The following LRP5 variants were observed in gnomAD, a reference collection of about 807,000 sequenced individuals.
LRP5 encodes the protein LDL receptor related protein 5, also known as low-density lipoprotein receptor-related protein 5.
In LRP5, 62 loss-of-function variants were observed where a neutral mutation model predicts 154.1. The observed-to-expected ratio is 0.40, with a 90% CI of 0.33 to 0.50. LRP5 has a LOEUF of 0.50. Among genes scored for constraint, LRP5 ranks in the 20% least tolerant of loss-of-function variants. The pLI is 0.55. For synonymous variants in LRP5, 966 were observed against 1,011.5 expected, an observed-to-expected ratio of 0.96 and a Z score of 0.85; for missense variants, 1,915 against 2,336.7, an observed-to-expected ratio of 0.82 and a Z score of 3.72.
intron 13 of LRP5, among the ~76,000 whole-genome samples, chr11:68,419,808 C>G (rs2098664546): frequency 6.6e-6 from 1 of 152,032 alleles, no homozygotes; most frequent in Admixed American, 6.6e-5. Flanking sequence ...TCCCAAAATG[C>G]TGAGATTACA....
chr11:68,418,865 T>C (rs1186875061), intron 13 of LRP5, among the ~76,000 whole-genome samples: 1 of 152,186 alleles, frequency 6.6e-6, no homozygotes, highest in African/African-American at 2.4e-5. Context: ...ACGTGTTAAT[T>C]GATGGATGTG....
intron 21 of LRP5, among the ~76,000 whole-genome samples, chr11:68,441,628 C>T (rs760191009): frequency 3.3e-5 from 5 of 152,212 alleles, no homozygotes; most frequent in Admixed American, 6.5e-5. Flanking sequence ...GCAGGGCCCC[C>T]GAGCACACAG....
Position 68,403,659 on chromosome 11 carries a change from C to A in LRP5, c.1761C>A (p.Asp587Glu). 1 of 1,614,116 alleles carries A rather than the reference C, an allele frequency of 6.2e-7. No homozygotes were observed. The highest frequency in any genetic ancestry group is 8.5e-7 in the Non-Finnish European group (1 of 1,180,034). The change falls in exon 8 of 23, where the codon GAC becomes GAA. Residue 587 changes from aspartate to glutamate, a missense_variant. Asp to Glu is a conservative substitution (Grantham distance 45). Coordinates refer to ENST00000294304, the MANE Select transcript of LRP5 (RefSeq NM_002335.4). ...ACGTCATCATTGACCAGCTGCCCGA[C>A]CTGATGGGGCTCAAAGCTGTGAATG... Reference protein sequence around the residue: ...SRDVIIDQLPDLMGLKAVNVA... With the variant: ...SRDVIIDQLPELMGLKAVNVA...
At chr11:68,398,245 T>C (rs2098650639) in intron 7 of LRP5, among the ~76,000 whole-genome samples, 1 of 152,176 alleles carries the variant, frequency 6.6e-6, no homozygotes, top group South Asian at 2.1e-4. Context: ...AGCAGGCGAC[T>C]GTCCAGAGTC....
intron 4 of LRP5, among the ~76,000 whole-genome samples, chr11:68,365,343 G>A (rs2098630365): frequency 6.6e-6 from 1 of 150,682 alleles, no homozygotes; most frequent in Non-Finnish European, 1.5e-5. Flanking sequence ...CTGGTTTTGG[G>A]GAAATTGCAG....
chr11:68,407,701 A>G (rs1303092148), intron 9 of LRP5, among the ~76,000 whole-genome samples: 2 of 150,898 alleles, frequency 1.3e-5, no homozygotes, highest in Non-Finnish European at 3.0e-5. Flanking sequence ...AAAAAAATTA[A>G]CCGGGCATGG....
At chr11:68,324,641 T>C (rs1338907516) in intron 1 of LRP5, among the ~76,000 whole-genome samples, 1 of 152,260 alleles carries the variant, frequency 6.6e-6, no homozygotes, top group Non-Finnish European at 1.5e-5. Flanking sequence ...TTTTGAAAGG[T>C]TTTATCCTCT....
chr11:68,342,822 G>A lies in LRP5; in HGVS notation c.92-5025G>A, dbSNP rs545946121. The stretch of plus-strand genomic sequence containing the variant: ...CTTTGAAGAATGCATCTGAACAGCC[G>A]AGAGTGTAAACCGTGGTGAAATGTG... On this transcript the variant is annotated intron_variant, in intron 1 of 22. Coordinates refer to ENST00000294304, the MANE Select transcript of LRP5 (RefSeq NM_002335.4). 5.3e-5 allele frequency among the ~76,000 whole-genome samples: 8 copies of A among 152,238 alleles called. 1 individual carries two copies. Among genetic ancestry groups the A allele is most frequent in the African/African-American group, 1.2e-4 (5 of 41,466 alleles).
intron 2 of LRP5, among the ~76,000 whole-genome samples, chr11:68,354,618 T>G (rs757068211): frequency 1.8e-4 from 27 of 152,208 alleles, no homozygotes; most frequent in Non-Finnish European, 3.8e-4. Flanking sequence ...TGCCAGCACC[T>G]TGGAGTCCCA....
chr11:68,448,685 C>T, intron 22 of LRP5, 124 bp from the exon 23 acceptor site: 1 of 1,249,676 alleles, frequency 8.0e-7, no homozygotes, highest in Non-Finnish European at 1.1e-6. Context: ...GGTCCAGAGT[C>T]CGGCCTGCAT....
chr11:68,312,732 C>A lies in LRP5; in HGVS notation c.18C>A (p.Pro6=). The stretch of plus-strand genomic sequence containing the variant: ...CGGACAACATGGAGGCAGCGCCGCC[C>A]GGGCCGCCGTGGCCGCTGCTGCTGC... MEAAP[P]GPPWPLLLLL... is the part of the protein sequence containing the mutation. Residue 6 remains proline, a synonymous_variant, in exon 1 of 23, where the codon CCC becomes CCA. Coordinates refer to ENST00000294304, the MANE Select transcript of LRP5 (RefSeq NM_002335.4). The A allele has an allele frequency of 9.5e-7, 1 of 1,052,626 alleles. No homozygotes were observed. Among genetic ancestry groups the A allele is most frequent in the Non-Finnish European group, 1.1e-6 (1 of 874,164 alleles). 65.2% of individuals were successfully genotyped at this position (1,052,626 alleles called of 1,614,324 possible). A position where few individuals can be genotyped will look rare whatever the true frequency, so the allele number is the denominator to read the frequency against.
At chr11:68,308,051 C>T (rs747853627), upstream of LRP5, among the ~76,000 whole-genome samples, 3 of 152,224 alleles carry the variant, frequency 2.0e-5, no homozygotes, top group East Asian at 1.9e-4. Flanking sequence ...CACTGTAGGC[C>T]GATGGCGGCC....
intron 14 of LRP5, among the ~76,000 whole-genome samples, chr11:68,424,297 C>T (rs968830546): frequency 6.6e-6 from 1 of 152,238 alleles, no homozygotes; most frequent in East Asian, 1.9e-4. Context: ...ACGGGAGCTA[C>T]AGCCAGCACA....
rs994305398 is a variant in LRP5 at position 68,446,652 on chromosome 11, G to A, written c.4586+119G>A. 5 of 901,272 alleles carry A rather than the reference G, an allele frequency of 5.5e-6. 1 individual carries two copies. Among genetic ancestry groups the A allele is most frequent in the African/African-American group, 3.3e-5 (2 of 61,200 alleles). 55.8% of individuals were successfully genotyped at this position (901,272 alleles called of 1,614,324 possible). ...TTCTGGGTGCTAGTGGGCAGGTGCC[G>A]GGCCCAGCCCTGCCTCCCTCTGCTC... On this transcript the variant is annotated intron_variant, in intron 22 of 22. Coordinates refer to ENST00000294304, the MANE Select transcript of LRP5 (RefSeq NM_002335.4).
intron 5 of LRP5, among the ~76,000 whole-genome samples, chr11:68,381,895 G>GT (rs2098640446): frequency 6.6e-6 from 1 of 152,336 alleles, no homozygotes; most frequent in African/African-American, 2.4e-5. Flanking sequence ...GAGGCCAGCT[G>GT]TGGGCACCAG....
chr11:68,435,497 A>AGAGAGAGAGC (rs1434817853), intron 18 of LRP5, among the ~76,000 whole-genome samples: 3 of 151,012 alleles, frequency 2.0e-5, no homozygotes, highest in Admixed American at 6.6e-5. Flanking sequence ...AGAGAGAGAG[A>AGAGAGAGAGC]GCGCCTCTCC....
Position 68,357,692 on chromosome 11 carries a change from G to C in LRP5, c.531G>C (p.Glu177Asp). The change falls in exon 3 of 23, where the codon GAG (glutamate) becomes GAC (aspartate). Residue 177 changes from glutamate to aspartate, a missense_variant. This residue lies in a region of LRP5 where 773 missense variants were observed against 1,100.9 expected (regional missense o/e 0.70). Coordinates refer to ENST00000294304, the MANE Select transcript of LRP5 (RefSeq NM_002335.4). ...WTDWGETPRI[E>D]RAGMDGSTRK... ...ACTGGGGTGAGACGCCCCGGATTGA[G>C]CGGGCAGGGATGGATGGCAGCACCC... The C allele has an allele frequency of 6.2e-7, 1 of 1,614,180 alleles. No individual in the cohort carries two copies. Among genetic ancestry groups the C allele is most frequent in the East Asian group, 2.2e-5 (1 of 44,882 alleles).
At chr11:68,430,224 A>G (rs1023351070) in intron 17 of LRP5, among the ~76,000 whole-genome samples, 2 of 152,108 alleles carry the variant, frequency 1.3e-5, no homozygotes, top group African/African-American at 4.8e-5. Context: ...CTCAGGCTGG[A>G]GTGCAATGGC....
chr11:68,385,923 C>T lies in LRP5; in HGVS notation c.1016-393C>T, dbSNP rs3781592. Reference sequence around the variant, plus strand: ...CATGGCCAGCAGCTGGGTCTGCAGCCTGGTACCCGGCGGGACTTGTGGTTG... The same window carrying T: ...CATGGCCAGCAGCTGGGTCTGCAGCTTGGTACCCGGCGGGACTTGTGGTTG... On this transcript the variant is annotated intron_variant, in intron 5 of 22. Transcript: ENST00000294304. Among the ~76,000 whole-genome samples, 462 of 152,164 alleles carry T rather than the reference C, an allele frequency of 3.0e-3. 8 individuals are homozygous for T. The East Asian group carries it at 0.046, about 15-fold the overall frequency.
Sources: allele counts gnomAD v4.1 joint callset (sites outside exome capture counted in the v4.1 genomes callset), GRCh38; gene constraint gnomAD v4.1.1; regional missense constraint gnomAD v4.1.1; transcripts MANE v1.5; gene names NCBI Gene and HGNC (gene_info 2026-07-23, HGNC 2026-07-21).